SPAG16: variants seen among roughly 807,000 people sequenced by gnomAD.
SPAG16 encodes sperm associated antigen 16.
Under a neutral mutation model 80.4 loss-of-function variants are expected in SPAG16, and 86 were observed. The observed-to-expected ratio is 1.07, with a 90% confidence interval of 0.90 to 1.28. The LOEUF (loss-of-function observed/expected upper bound fraction) is 1.28, where lower values mean the gene tolerates loss of function less well. SPAG16 is among the 50% of genes most tolerant of loss of function. The probability of loss-of-function intolerance (pLI) is 0.00; values close to 1 mark genes in which losing one functional copy is unlikely to be tolerated. For missense variants in SPAG16, 870 were observed against 765.3 expected, an observed-to-expected ratio of 1.14 and a Z score of -1.61; for synonymous variants, 294 against 265.9, an observed-to-expected ratio of 1.11 and a Z score of -1.03.
intron 15 of SPAG16, among the ~76,000 whole-genome samples, chr2:214,274,774 C>CT (rs1397183153): frequency 2.0e-5 from 3 of 152,156 alleles, no homozygotes; most frequent in Non-Finnish European, 4.4e-5. Flanking sequence ...TGTTGTGTCT[C>CT]TGCCAGTCTT....
chr2:213,482,573 A>T lies in SPAG16; in HGVS notation c.943-7390A>T, dbSNP rs191285826. Among the ~76,000 whole-genome samples the T allele has an allele frequency of 5.1e-3, 780 of 152,188 alleles. 5 individuals are homozygous for T. The highest frequency in any genetic ancestry group is 0.017 in the African/African-American group (710 of 41,554). On this transcript the variant is annotated intron_variant, in intron 9 of 15. Coordinates refer to ENST00000331683, the MANE Select transcript of SPAG16 (RefSeq NM_024532.5). ...GAATTTTTATTTTATTTATTTATTT[A>T]AAAATGTTCATTTTTATTAACTAAT...
At chr2:213,786,020 G>A (rs1325137639) in intron 10 of SPAG16, among the ~76,000 whole-genome samples, 4 of 151,012 alleles carry the variant, frequency 2.6e-5, no homozygotes, top group Admixed American at 2.6e-4. Flanking sequence ...AAAAAAAAAA[G>A]AATTTTATAT....
intron 9 of SPAG16, among the ~76,000 whole-genome samples, chr2:213,425,003 A>G (rs339808): frequency 6.6e-6 from 1 of 152,224 alleles, no homozygotes; most frequent in Non-Finnish European, 1.5e-5. Context: ...AATAAGGGAT[A>G]TACTCAAAGT....
At chr2:213,940,933 C>CATTACCTGAGTTATAT (rs1250012380) in intron 12 of SPAG16, among the ~76,000 whole-genome samples, 1 of 152,144 alleles carries the variant, frequency 6.6e-6, no homozygotes, top group African/African-American at 2.4e-5. Context: ...ATTATCTCTT[C>CATTACCTGAGTTATAT]ATTACCTGAG....
At chr2:214,266,515 C>T (rs551388006) in intron 15 of SPAG16, among the ~76,000 whole-genome samples, 7 of 151,896 alleles carry the variant, frequency 4.6e-5, no homozygotes, top group Non-Finnish European at 7.4e-5. Context: ...CAACTAACAT[C>T]GTACCTATGG....
intron 7 of SPAG16, among the ~76,000 whole-genome samples, chr2:213,353,589 T>G (rs1208095112): frequency 2.0e-5 from 3 of 152,146 alleles, no homozygotes; most frequent in Admixed American, 6.5e-5. Flanking sequence ...GTATCTGGCT[T>G]TATTTGCCCT....
At chr2:213,899,503 A>G (rs2077128672) in intron 11 of SPAG16, among the ~76,000 whole-genome samples, 1 of 152,154 alleles carries the variant, frequency 6.6e-6, no homozygotes, top group Non-Finnish European at 1.5e-5. Flanking sequence ...GAGATCCGTG[A>G]TTAGATTAAA....
At chr2:214,354,812 G>T (rs1698667456) in intron 15 of SPAG16, among the ~76,000 whole-genome samples, 1 of 151,998 alleles carries the variant, frequency 6.6e-6, no homozygotes, top group South Asian at 2.1e-4. Context: ...TCTGTTATTG[G>T]TGTATAAGAA....
chr2:213,673,554 T>C (rs185738775), intron 10 of SPAG16, among the ~76,000 whole-genome samples: 34 of 152,262 alleles, frequency 2.2e-4, no homozygotes, highest in African/African-American at 3.8e-4. Context: ...TGCAAGACCA[T>C]TGAGTCAAGG....
intron 15 of SPAG16, among the ~76,000 whole-genome samples, chr2:214,180,758 T>C (rs1164063472): frequency 6.6e-6 from 1 of 151,722 alleles, no homozygotes. Context: ...TGGGCTCTGA[T>C]AGTGGTTCCA....
intron 10 of SPAG16, among the ~76,000 whole-genome samples, chr2:213,734,785 T>C (rs933640992): frequency 2.0e-5 from 3 of 152,184 alleles, no homozygotes; most frequent in African/African-American, 7.2e-5. Flanking sequence ...GACAATATGC[T>C]ATTTATTTTT....
At chr2:213,517,173 G>A (rs1206771269) in intron 10 of SPAG16, among the ~76,000 whole-genome samples, 3 of 152,042 alleles carry the variant, frequency 2.0e-5, no homozygotes, top group African/African-American at 4.8e-5. Context: ...TAATGCCCAC[G>A]CTGAGAGTCA....
Position 213,297,454 on chromosome 2 carries a change from A to C in SPAG16, c.279+97A>C, listed in dbSNP as rs1467795813. 3 of 630,550 alleles carry C rather than the reference A, an allele frequency of 4.8e-6. No homozygotes were observed. In the East Asian group the frequency reaches 8.7e-5, roughly 18 times the overall value. 39.1% of individuals were successfully genotyped at this position (630,550 alleles called of 1,614,324 possible). ...TTAAATGTAAATACTAGTGTAGCTC[A>C]GTCATCTGTTATATCATTTTCATCT... is the stretch of plus-strand genomic sequence containing the variant. On this transcript the variant is annotated intron_variant, in intron 3 of 15. Transcript: ENST00000331683.
At position 213,375,466 on chromosome 2, in the gene SPAG16, T is replaced by C. The variant is rs1418199185; in HGVS notation, c.942+347T>C. Among the ~76,000 whole-genome samples, 3 of 152,162 alleles carry C rather than the reference T, an allele frequency of 2.0e-5. No individual in the cohort carries two copies. The East Asian group carries it at 5.8e-4, about 29-fold the overall frequency. ...TATCTTGTTATATCTTTTCTCAAAATGTAACGTCAGACTTTACTTAGTCTC... is the reference window on the plus strand; with the variant it reads ...TATCTTGTTATATCTTTTCTCAAAACGTAACGTCAGACTTTACTTAGTCTC... On this transcript the variant is annotated intron_variant, in intron 9 of 15. Coordinates refer to ENST00000331683, the MANE Select transcript of SPAG16 (RefSeq NM_024532.5).
At chr2:214,342,229 T>C (rs1359608443) in intron 15 of SPAG16, among the ~76,000 whole-genome samples, 1 of 151,788 alleles carries the variant, frequency 6.6e-6, no homozygotes, top group Non-Finnish European at 1.5e-5. Flanking sequence ...AAAGCAGGGG[T>C]TCCCAAAGCA....
intron 15 of SPAG16, among the ~76,000 whole-genome samples, chr2:214,270,066 T>G (rs1174167188): frequency 6.6e-6 from 1 of 152,140 alleles, no homozygotes; most frequent in Non-Finnish European, 1.5e-5. Flanking sequence ...GAGTCTTAAT[T>G]CCTTTAAAAT....
chr2:214,173,265 A>G (rs573401622), intron 15 of SPAG16, among the ~76,000 whole-genome samples: 19 of 151,960 alleles, frequency 1.3e-4, no homozygotes, highest in Non-Finnish European at 2.5e-4. Flanking sequence ...ATCTTGAATT[A>G]ATTTTTGTAT....
chr2:213,331,146 C>G (rs2064084501), intron 5 of SPAG16, among the ~76,000 whole-genome samples: 2 of 152,198 alleles, frequency 1.3e-5, no homozygotes, highest in South Asian at 4.1e-4. Flanking sequence ...GTATCTTTGC[C>G]TGTGCCTGTG....
chr2:214,032,881 C>A (rs887673216), intron 13 of SPAG16, among the ~76,000 whole-genome samples: 1 of 152,038 alleles, frequency 6.6e-6, no homozygotes, highest in Non-Finnish European at 1.5e-5. Context: ...ATAATCTAAG[C>A]CTCAGGAACA....
Sources: allele counts gnomAD v4.1 joint callset (sites outside exome capture counted in the v4.1 genomes callset), GRCh38; gene constraint gnomAD v4.1.1; transcripts MANE v1.5; gene names NCBI Gene and HGNC (gene_info 2026-07-23, HGNC 2026-07-21).